The following CDC14A variants were observed in gnomAD, a reference collection of about 807,000 sequenced individuals.
The protein encoded by CDC14A is cell division cycle 14A, also known as dual specificity protein phosphatase CDC14A.
A neutral mutation model predicts 74.4 loss-of-function variants in CDC14A; 53 were observed. That is an observed-to-expected ratio of 0.71 (90% CI 0.57 to 0.89). The LOEUF (loss-of-function observed/expected upper bound fraction) is 0.89, where lower values mean the gene tolerates loss of function less well. Among genes scored for constraint, CDC14A ranks in the 40% least tolerant of loss-of-function variants. The pLI is 0.00. For missense variants in CDC14A, 646 were observed against 713.7 expected (o/e 0.91, Z 1.08); for synonymous variants, 247 against 258.4 (o/e 0.96, Z 0.43).
intron 8 of CDC14A, among the ~76,000 whole-genome samples, chr1:100,458,006 T>C (rs992489029): frequency 1.3e-5 from 2 of 152,296 alleles, no homozygotes; most frequent in East Asian, 3.9e-4. Flanking sequence ...GTCAAAAATA[T>C]TTAAAACAAT....
upstream of CDC14A, among the ~76,000 whole-genome samples, chr1:100,347,482 C>A (rs918111571): frequency 2.6e-5 from 4 of 152,168 alleles, no homozygotes; most frequent in Non-Finnish European, 5.9e-5. Flanking sequence ...CTTAAACAGG[C>A]ATTGGTGATT....
chr1:100,358,000 C>T (rs891014696), intron 2 of CDC14A, among the ~76,000 whole-genome samples: 2 of 152,048 alleles, frequency 1.3e-5, no homozygotes, highest in South Asian at 2.1e-4. Flanking sequence ...TAAAAGTGAA[C>T]GTTTGAATTA....
intron 4 of CDC14A, among the ~76,000 whole-genome samples, chr1:100,396,673 T>A (rs1018716108): frequency 1.3e-5 from 2 of 152,194 alleles, no homozygotes; most frequent in African/African-American, 4.8e-5. Context: ...ATTTTCCCAA[T>A]TTTTTTGTGG....
intron 12 of CDC14A, among the ~76,000 whole-genome samples, chr1:100,495,240 T>G (rs2101421943): frequency 6.6e-6 from 1 of 152,366 alleles, no homozygotes; most frequent in African/African-American, 2.4e-5. Flanking sequence ...TTTCTTGTCC[T>G]GTGTTGGATC....
chr1:100,413,983 ATTAAC>A (rs1462925915), intron 4 of CDC14A, among the ~76,000 whole-genome samples: 5 of 152,236 alleles, frequency 3.3e-5, no homozygotes, highest in South Asian at 2.1e-4. Flanking sequence ...AGGGAAGATA[ATTAAC>A]TTAAGAAACT....
In CDC14A at chr1:100,496,023, T is replaced by A; in HGVS notation, c.1272T>A (p.His424Gln). ...GCAGGTCAGATGATACAAAAGGACA[T>A]CCAAGAGCAGTGTCCCAGCCTTTCA... is the stretch of plus-strand genomic sequence containing the variant. The part of the protein sequence containing the change: ...CAFRSDDTKG[H>Q]PRAVSQPFRL... The change falls in exon 13 of 16, where the codon CAT (histidine) becomes CAA (glutamine). Residue 424 changes from histidine to glutamine, a missense_variant. Transcript: ENST00000336454. The A allele has an allele frequency of 6.2e-7, 1 of 1,613,884 alleles. No homozygotes were observed. The highest frequency in any genetic ancestry group is 8.5e-7 in the Non-Finnish European group (1 of 1,179,804).
chr1:100,413,566 C>G (rs1395678956), intron 4 of CDC14A, among the ~76,000 whole-genome samples: 1 of 152,246 alleles, frequency 6.6e-6, no homozygotes, highest in Non-Finnish European at 1.5e-5. Context: ...ACCACCTTCT[C>G]TCTTCGAGGA....
chr1:100,481,303 A>G (rs1669446789), intron 10 of CDC14A, among the ~76,000 whole-genome samples: 5 of 152,108 alleles, frequency 3.3e-5, no homozygotes, highest in Admixed American at 3.3e-4. Context: ...TTTTGGGAAA[A>G]TTGTCCAGGA....
At chr1:100,401,231 A>C (rs1373882644) in intron 4 of CDC14A, among the ~76,000 whole-genome samples, 1 of 152,186 alleles carries the variant, frequency 6.6e-6, no homozygotes, top group Non-Finnish European at 1.5e-5. Context: ...CCAGTTTATT[A>C]TCTCTCCCTT....
At chr1:100,436,346 C>G (rs1488022612) in intron 5 of CDC14A, among the ~76,000 whole-genome samples, 1 of 152,132 alleles carries the variant, frequency 6.6e-6, no homozygotes, top group Non-Finnish European at 1.5e-5. Flanking sequence ...CCTTTATCCT[C>G]ACTTCCAGGA....
In CDC14A at chr1:100,442,933, G is replaced by A; in HGVS notation, c.457-1G>A. 1 of 1,591,962 alleles carries A rather than the reference G, an allele frequency of 6.3e-7. No individual in the cohort carries two copies. Among genetic ancestry groups the A allele is most frequent in the Non-Finnish European group, 8.6e-7 (1 of 1,160,816 alleles). ...AAAACTAATTCAAATTCTGCTTTTAGGGATTACAACATGGATTTTTTGACT... is the reference window on the plus strand; with the variant it reads ...AAAACTAATTCAAATTCTGCTTTTAAGGATTACAACATGGATTTTTTGACT... On this transcript the variant is annotated splice_acceptor_variant, in intron 6 of 15. Coordinates refer to ENST00000336454, the MANE Select transcript of CDC14A (RefSeq NM_003672.4). LOFTEE classifies it high-confidence loss of function.
intron 9 of CDC14A, among the ~76,000 whole-genome samples, chr1:100,463,259 A>G (rs1240391691): frequency 6.6e-6 from 1 of 151,962 alleles, no homozygotes; most frequent in Non-Finnish European, 1.5e-5. Flanking sequence ...AGAATTGCCC[A>G]TCTCTTCTCC....
At chr1:100,478,391 C>T (rs1669131571) in intron 10 of CDC14A, among the ~76,000 whole-genome samples, 1 of 152,052 alleles carries the variant, frequency 6.6e-6, no homozygotes, top group Admixed American at 6.5e-5. Flanking sequence ...TAACCTATAT[C>T]ACAGATAGAT....
In CDC14A at chr1:100,391,056, G is replaced by C. The variant is rs992253191; in HGVS notation, c.309+232G>C. 7.4e-6 allele frequency: 4 copies of C among 539,182 alleles called. No individual in the cohort carries two copies. In the African/African-American group the frequency reaches 7.7e-5, roughly 10 times the overall value. The allele number at this position is 539,182 out of a possible 1,614,324, so 33.4% of individuals were successfully genotyped here. A position where few individuals can be genotyped will look rare whatever the true frequency, so the allele number is the denominator to read the frequency against. The stretch of plus-strand genomic sequence containing the variant: ...ATCTTGAAACTGCAATATGTAGCTT[G>C]AATTCCACAGTTATATAGGTATTTT... On this transcript the variant is annotated intron_variant, in intron 4 of 15. Coordinates refer to ENST00000336454, the MANE Select transcript of CDC14A (RefSeq NM_003672.4).
At position 100,520,141 on chromosome 1, in the gene CDC14A, G is replaced by A. The variant is rs186061449; in HGVS notation, c.*1861G>A. On this transcript the variant is annotated 3_prime_UTR_variant, in exon 16 of 16. Coordinates refer to ENST00000336454, the MANE Select transcript of CDC14A (RefSeq NM_003672.4). Reference sequence around the variant, plus strand: ...TATAATATAGAAAGTATATAGCAAAGTAATTTTACTCTGATAATAAAAATT... The same window carrying A: ...TATAATATAGAAAGTATATAGCAAAATAATTTTACTCTGATAATAAAAATT... 1.2e-3 allele frequency: 181 copies of A among 152,500 alleles called. No homozygotes were observed. The highest frequency in any genetic ancestry group is 4.0e-3 in the African/African-American group (165 of 41,498). The allele number at this position is 152,500 out of a possible 1,614,324, so 9.4% of individuals were successfully genotyped here. A position where few individuals can be genotyped will look rare whatever the true frequency, so the allele number is the denominator to read the frequency against.
At chr1:100,367,444 G>C (rs1457110660) in intron 2 of CDC14A, among the ~76,000 whole-genome samples, 1 of 152,100 alleles carries the variant, frequency 6.6e-6, no homozygotes, top group Non-Finnish European at 1.5e-5. Context: ...ACCAAAGTTG[G>C]TGATAACCCA....
At chr1:100,476,365 T>C (rs1418970050) in intron 10 of CDC14A, among the ~76,000 whole-genome samples, 1 of 152,138 alleles carries the variant, frequency 6.6e-6, no homozygotes, top group Non-Finnish European at 1.5e-5. Flanking sequence ...AAGCAATCAA[T>C]TGAACCTTGG....
chr1:100,482,447 T>A lies in CDC14A; in HGVS notation c.978-1845T>A, dbSNP rs528969101. Among the ~76,000 whole-genome samples the A allele has an allele frequency of 2.0e-5, 3 of 152,298 alleles. No homozygotes were observed. The South Asian group carries it at 6.2e-4, about 32-fold the overall frequency. On this transcript the variant is annotated intron_variant, in intron 10 of 15. Coordinates refer to ENST00000336454, the MANE Select transcript of CDC14A (RefSeq NM_003672.4). ...TGTTTTCTTTGCTTGGCAATACTCTTAGCTGGGTAAGTCCTGCTCATCTTT... is the reference window on the plus strand; with the variant it reads ...TGTTTTCTTTGCTTGGCAATACTCTAAGCTGGGTAAGTCCTGCTCATCTTT...
At chr1:100,480,182 C>T (rs1669306969) in intron 10 of CDC14A, among the ~76,000 whole-genome samples, 1 of 152,130 alleles carries the variant, frequency 6.6e-6, no homozygotes, top group South Asian at 2.1e-4. Flanking sequence ...CCCTGGAAAC[C>T]TCTATTCTAC....
Sources: gnomAD v4.1 joint callset for allele counts (sites outside exome capture counted in the v4.1 genomes callset) on GRCh38, gnomAD v4.1.1 for gene constraint, MANE v1.5 for transcripts, NCBI Gene and HGNC (gene_info 2026-07-23, HGNC 2026-07-21) for gene names.